RBFOX1: variants seen among roughly 807,000 people sequenced by gnomAD.
RBFOX1 encodes RNA binding protein fox-1 homolog 1.
RBFOX1 carries 8 observed loss-of-function variants against 57.7 expected under a neutral mutation model. The observed-to-expected ratio is 0.14, with a 90% CI of 0.08 to 0.25. The LOEUF is 0.25. Ranked by LOEUF, RBFOX1 falls within the 10% of genes least tolerant of loss-of-function variation. RBFOX1 has a pLI of 1.00. For missense variants in RBFOX1, 611 were observed against 548.5 expected (o/e 1.11, Z -1.14); for synonymous variants, 326 against 222.4 (o/e 1.47, Z -4.15).
chr16:6,185,218 T>C (rs1307784372), intron 1 of RBFOX1, among the ~76,000 whole-genome samples: 1 of 152,210 alleles, frequency 6.6e-6, no homozygotes, highest in Non-Finnish European at 1.5e-5. Context: ...CCTGTGACTC[T>C]ATTTCCTCTC....
intron 3 of RBFOX1, among the ~76,000 whole-genome samples, chr16:6,748,420 G>C (rs2074235968): frequency 6.6e-6 from 1 of 152,118 alleles, no homozygotes; most frequent in South Asian, 2.1e-4. Flanking sequence ...CAACACTTTG[G>C]AAGGCCGAGG....
intron 10 of RBFOX1, among the ~76,000 whole-genome samples, chr16:7,628,940 A>C (rs1156360913): frequency 1.3e-5 from 2 of 152,190 alleles, no homozygotes; most frequent in African/African-American, 4.8e-5. Flanking sequence ...TGAAGAAGAA[A>C]GAACTATTAG....
intron 13 of RBFOX1, among the ~76,000 whole-genome samples, chr16:7,674,077 T>G (rs920844318): frequency 2.6e-5 from 4 of 152,204 alleles, no homozygotes; most frequent in African/African-American, 9.6e-5. Flanking sequence ...TTTTTGTATG[T>G]AAAGCAATTT....
At chr16:5,338,956 A>G (rs779510263) in intron 1 of RBFOX1, among the ~76,000 whole-genome samples, 4 of 152,148 alleles carry the variant, frequency 2.6e-5, no homozygotes, top group Non-Finnish European at 4.4e-5. Flanking sequence ...TGAAATCTGT[A>G]TACATTGTGG....
chr16:6,117,034 G>A (rs1028801923), intron 1 of RBFOX1, among the ~76,000 whole-genome samples: 13 of 152,150 alleles, frequency 8.5e-5, no homozygotes, highest in African/African-American at 3.1e-4. Flanking sequence ...GTGTGTCCAA[G>A]ATTTAAAATT....
chr16:5,417,391 A>G (rs368764482), intron 1 of RBFOX1, among the ~76,000 whole-genome samples: 1 of 152,230 alleles, frequency 6.6e-6, no homozygotes, highest in East Asian at 1.9e-4. Flanking sequence ...ATGATTGACA[A>G]AGTCATTTCT....
intron 3 of RBFOX1, among the ~76,000 whole-genome samples, chr16:6,950,609 C>A (rs576064174): frequency 3.3e-5 from 5 of 152,194 alleles, no homozygotes; most frequent in African/African-American, 1.2e-4. Flanking sequence ...AATATATATG[C>A]AGGTGCTGTG....
chr16:6,322,025 C>T lies in RBFOX1; in HGVS notation c.-64+4968C>T, dbSNP rs113088737. ...CTCATTGACCCATGGGCACCACTCT[C>T]TTCTCAGGAACCTCAGTCCCAAGCC... On this transcript the variant is annotated intron_variant, in intron 2 of 15. Transcript: ENST00000550418. 7.4e-3 allele frequency among the ~76,000 whole-genome samples: 1,131 copies of T among 152,342 alleles called. 10 individuals carry two copies. The highest frequency in any genetic ancestry group is 0.024 in the African/African-American group (997 of 41,580).
intron 1 of RBFOX1, among the ~76,000 whole-genome samples, chr16:6,141,665 CAGCCCTCTTT>C (rs1423047792): frequency 6.6e-6 from 1 of 152,126 alleles, no homozygotes; most frequent in Non-Finnish European, 1.5e-5. Context: ...ATATTCTTTT[CAGCCCTCTTT>C]AATTCTCTTA....
intron 3 of RBFOX1, among the ~76,000 whole-genome samples, chr16:5,773,657 T>C (rs1420716867): frequency 6.6e-6 from 1 of 152,252 alleles, no homozygotes; most frequent in Non-Finnish European, 1.5e-5. Flanking sequence ...TGGGATTATT[T>C]CTGAAAAATA....
chr16:5,706,685 C>G (rs1253390439), intron 3 of RBFOX1, among the ~76,000 whole-genome samples: 2 of 152,088 alleles, frequency 1.3e-5, no homozygotes, highest in East Asian at 3.9e-4. Context: ...TATGTCTTTC[C>G]TAAAGCACTG....
chr16:6,958,460 C>G (rs1346066876), intron 3 of RBFOX1, among the ~76,000 whole-genome samples: 1 of 152,040 alleles, frequency 6.6e-6, no homozygotes, highest in African/African-American at 2.4e-5. Context: ...CGCAATTCCT[C>G]GGGATAATTT....
intron 3 of RBFOX1, among the ~76,000 whole-genome samples, chr16:5,746,121 T>G (rs532546229): frequency 1.3e-5 from 2 of 152,312 alleles, no homozygotes; most frequent in East Asian, 3.9e-4. Flanking sequence ...TTGTATAAGG[T>G]GTAAAGAAGG....
intron 4 of RBFOX1, among the ~76,000 whole-genome samples, chr16:7,194,066 T>C (rs1433253709): frequency 1.3e-5 from 2 of 152,166 alleles, no homozygotes; most frequent in African/African-American, 4.8e-5. Context: ...ATTGAATCAA[T>C]TATTGGGAGA....
At chr16:5,686,406 G>T (rs1395906134) in intron 3 of RBFOX1, among the ~76,000 whole-genome samples, 1 of 152,104 alleles carries the variant, frequency 6.6e-6, no homozygotes, top group Admixed American at 6.6e-5. Context: ...GAGAATAGAA[G>T]AAAGACTTCC....
intron 3 of RBFOX1, among the ~76,000 whole-genome samples, chr16:6,939,363 AG>A (rs1441086951): frequency 2.0e-5 from 3 of 151,214 alleles, no homozygotes; most frequent in Admixed American, 2.0e-4. Flanking sequence ...CCAAAGTTTT[AG>A]GTAGCTTTAT....
chr16:6,024,270 T>G (rs1373002103), intron 1 of RBFOX1, among the ~76,000 whole-genome samples: 1 of 152,146 alleles, frequency 6.6e-6, no homozygotes, highest in Non-Finnish European at 1.5e-5. Flanking sequence ...ACGAGAACTT[T>G]CCTTTCTTGT....
At chr16:7,090,980 C>T (rs1456641625) in intron 4 of RBFOX1, among the ~76,000 whole-genome samples, 1 of 152,156 alleles carries the variant, frequency 6.6e-6, no homozygotes, top group African/African-American at 2.4e-5. Flanking sequence ...GCTGTTTCTC[C>T]TAGGGCTGGA....
At chr16:6,240,521 T>C (rs1306722232) in intron 1 of RBFOX1, among the ~76,000 whole-genome samples, 4 of 151,942 alleles carry the variant, frequency 2.6e-5, no homozygotes, top group African/African-American at 9.7e-5. Flanking sequence ...GCAAACTCAC[T>C]CTTTGGCACA....
Sources: gnomAD v4.1 joint callset for allele counts (sites outside exome capture counted in the v4.1 genomes callset) on GRCh38, gnomAD v4.1.1 for gene constraint, MANE v1.5 for transcripts, NCBI Gene and HGNC (gene_info 2026-07-23, HGNC 2026-07-21) for gene names.